RNF38: variants seen among roughly 807,000 people sequenced by gnomAD.
The protein encoded by RNF38 is ring finger protein 38, also known as E3 ubiquitin-protein ligase RNF38.
Under a neutral mutation model 67.2 loss-of-function variants are expected in RNF38, and 15 were observed. The observed-to-expected ratio is 0.22, with a 90% CI of 0.15 to 0.34. The LOEUF is 0.34. Ranked by LOEUF, RNF38 falls within the 10% of genes least tolerant of loss-of-function variation. The pLI is 1.00. For synonymous variants in RNF38, 220 were observed against 218.8 expected, an observed-to-expected ratio of 1.01 and a Z score of -0.05; for missense variants, 524 against 639.9, an observed-to-expected ratio of 0.82 and a Z score of 1.95.
chr9:36,474,841 G>A lies in RNF38; in HGVS notation n.241+12467C>T, dbSNP rs116092340. Among the ~76,000 whole-genome samples the A allele has an allele frequency of 2.2e-3, 324 of 147,946 alleles. 29 individuals carry two copies. The highest frequency in any genetic ancestry group is 7.8e-3 in the African/African-American group (311 of 40,042). On this transcript the variant is annotated intron_variant and non_coding_transcript_variant, in intron 1 of 3. Transcript: ENST00000488058. ...TGAAGTAACAATCAAAGGAACAGAG[G>A]TAGAAAAATCACACACAGGGCCGGG...
intron 1 of RNF38, among the ~76,000 whole-genome samples, chr9:36,468,541 G>A (rs888308289): frequency 3.3e-5 from 5 of 152,210 alleles, no homozygotes; most frequent in Non-Finnish European, 2.9e-5. Flanking sequence ...GCCTGGCGTG[G>A]TGGCTCACGC....
At chr9:36,451,918 A>T (rs1268741640) in intron 1 of RNF38, among the ~76,000 whole-genome samples, 2 of 151,960 alleles carry the variant, frequency 1.3e-5, no homozygotes, top group African/African-American at 2.4e-5. Context: ...AACTTTTTTA[A>T]AAAAAAAACT....
intron 1 of RNF38, among the ~76,000 whole-genome samples, chr9:36,426,362 A>C (rs1403385011): frequency 2.0e-5 from 3 of 151,902 alleles, no homozygotes; most frequent in Non-Finnish European, 2.9e-5. Flanking sequence ...GACAACCACC[A>C]CTCCAACTTC....
Position 36,380,188 on chromosome 9 carries a change from A to C in RNF38, c.163-4061T>G, listed in dbSNP as rs568641200. ...TACAAAAATCTAAAAATAATGGCTT[A>C]AATATAACATACTTTTTTGCTTGTT... On this transcript the variant is annotated intron_variant, in intron 2 of 11. Transcript: ENST00000259605. Among the ~76,000 whole-genome samples the C allele has an allele frequency of 2.0e-5, 3 of 152,316 alleles. 1 individual carries two copies. The South Asian group carries it at 6.2e-4, about 32-fold the overall frequency.
chr9:36,476,747 C>T (rs974337418), intron 1 of RNF38, among the ~76,000 whole-genome samples: 3 of 151,354 alleles, frequency 2.0e-5, no homozygotes, highest in Non-Finnish European at 4.4e-5. Flanking sequence ...AGGCTGGTCT[C>T]GAACTCCTGA....
chr9:36,366,469 T>C (rs1373855814), intron 4 of RNF38, among the ~76,000 whole-genome samples: 1 of 152,216 alleles, frequency 6.6e-6, no homozygotes, highest in African/African-American at 2.4e-5. Context: ...TTGATTCTGG[T>C]ATTAAAAAAA....
chr9:36,386,272 A>G (rs1035512285), intron 2 of RNF38, among the ~76,000 whole-genome samples: 25 of 152,132 alleles, frequency 1.6e-4, no homozygotes, highest in African/African-American at 5.8e-4. Context: ...CAATTTTTGG[A>G]AAAGTTTTTC....
intron 1 of RNF38, among the ~76,000 whole-genome samples, chr9:36,456,521 G>A (rs902113561): frequency 6.6e-6 from 1 of 150,590 alleles, no homozygotes; most frequent in African/African-American, 2.4e-5. Context: ...ATAGAATCTG[G>A]AAAACTAGAC....
chr9:36,450,471 A>G (rs1008013289), intron 1 of RNF38, among the ~76,000 whole-genome samples: 4 of 152,334 alleles, frequency 2.6e-5, no homozygotes, highest in Admixed American at 1.3e-4. Context: ...TACATGTTTT[A>G]ATTTCCCTCT....
chr9:36,482,353 CTT>C (rs71336457), intron 1 of RNF38, among the ~76,000 whole-genome samples: 3 of 107,668 alleles, frequency 2.8e-5, no homozygotes, highest in Non-Finnish European at 1.8e-5. Flanking sequence ...GTGCCCAGAC[CTT>C]TTTTTTTTTT....
intron 3 of RNF38, among the ~76,000 whole-genome samples, chr9:36,373,572 G>GT (rs1835549088): frequency 6.8e-6 from 1 of 147,286 alleles, no homozygotes; most frequent in Admixed American, 6.8e-5. Context: ...GGTGGTGGGT[G>GT]TATGTATTTG....
intron 1 of RNF38, among the ~76,000 whole-genome samples, chr9:36,478,127 G>A (rs1371075913): frequency 1.3e-5 from 2 of 151,998 alleles, no homozygotes; most frequent in Non-Finnish European, 2.9e-5. Context: ...ACATCATGAC[G>A]TAGAATGGTT....
At chr9:36,439,596 G>A (rs1396283980) in intron 1 of RNF38, among the ~76,000 whole-genome samples, 1 of 151,996 alleles carries the variant, frequency 6.6e-6, no homozygotes, top group Middle Eastern at 3.2e-3. Flanking sequence ...CTAGAGGTCA[G>A]GAGTTAAAGA....
chr9:36,381,217 T>C (rs1185224475), intron 2 of RNF38, among the ~76,000 whole-genome samples: 1 of 152,208 alleles, frequency 6.6e-6, no homozygotes, highest in East Asian at 1.9e-4. Context: ...AAGGTCTCTT[T>C]ACATGAGTAA....
At chr9:36,435,116 C>T (rs532824838) in intron 1 of RNF38, among the ~76,000 whole-genome samples, 8 of 152,152 alleles carry the variant, frequency 5.3e-5, no homozygotes, top group South Asian at 4.1e-4. Flanking sequence ...TGGGGACTGG[C>T]GGAGGTACAG....
intron 9 of RNF38, among the ~76,000 whole-genome samples, chr9:36,346,301 G>A (rs1833234380): frequency 6.6e-6 from 1 of 152,060 alleles, no homozygotes; most frequent in South Asian, 2.1e-4. Context: ...TGCCTCCCAG[G>A]TTCAGGCGAT....
At chr9:36,340,503 C>T (rs561260003) in intron 11 of RNF38, among the ~76,000 whole-genome samples, 1 of 152,158 alleles carries the variant, frequency 6.6e-6, no homozygotes, top group Non-Finnish European at 1.5e-5. Flanking sequence ...CCTGCTTCAG[C>T]TTCCTGAAAA....
chr9:36,454,717 G>C (rs984713112), intron 1 of RNF38, among the ~76,000 whole-genome samples: 1 of 151,082 alleles, frequency 6.6e-6, no homozygotes, highest in African/African-American at 2.4e-5. Context: ...TTAGTAGCTG[G>C]GATTACAGGT....
At chr9:36,353,797 G>A (rs967817807) in intron 6 of RNF38, among the ~76,000 whole-genome samples, 1 of 152,176 alleles carries the variant, frequency 6.6e-6, no homozygotes, top group African/African-American at 2.4e-5. Context: ...TGTGCAGAAA[G>A]ATTATGGGCT....
Sources: gnomAD v4.1 joint callset for allele counts (sites outside exome capture counted in the v4.1 genomes callset) on GRCh38, gnomAD v4.1.1 for gene constraint, MANE v1.5 for transcripts, NCBI Gene and HGNC (gene_info 2026-07-23, HGNC 2026-07-21) for gene names.